The following TMEM164 variants were observed in gnomAD, a reference collection of about 807,000 sequenced individuals.
TMEM164 encodes the protein transmembrane protein 164.
Under a neutral mutation model 18.8 loss-of-function variants are expected in TMEM164, and 4 were observed. The ratio of observed to expected loss-of-function variants is 0.21; its 90% CI spans 0.10 to 0.49. TMEM164 has a LOEUF of 0.49. Ranked by LOEUF, TMEM164 falls within the 20% of genes least tolerant of loss-of-function variation. TMEM164 has a pLI of 0.98. For missense variants in TMEM164, 108 were observed against 239.9 expected (o/e 0.45, Z 3.63); for synonymous variants, 86 against 101.7 (o/e 0.85, Z 0.93).
At chrX:110,028,328 A>G (rs1273495394) in intron 2 of TMEM164, among the ~76,000 whole-genome samples, 2 of 112,188 alleles carry the variant, frequency 1.8e-5, no homozygotes, top group Non-Finnish European at 3.8e-5. Flanking sequence ...TGGAACTGTT[A>G]CATGTTTGTT....
intron 2 of TMEM164, among the ~76,000 whole-genome samples, chrX:110,047,104 G>T (rs1935346424): frequency 8.9e-6 from 1 of 111,881 alleles, no homozygotes; most frequent in African/African-American, 3.2e-5. Flanking sequence ...GGCCTGAGGG[G>T]ATTTGGAGGG....
intron 4 of TMEM164, among the ~76,000 whole-genome samples, chrX:110,126,935 C>G (rs2066541177): frequency 9.4e-6 from 1 of 106,201 alleles, no homozygotes; most frequent in Non-Finnish European, 1.9e-5. Flanking sequence ...AAGAGAAGGT[C>G]AATTTGTAGG....
chrX:110,053,431 T>G (rs746356026), intron 2 of TMEM164, among the ~76,000 whole-genome samples: 82 of 112,096 alleles, frequency 7.3e-4, no homozygotes, highest in Non-Finnish European at 1.1e-3. Context: ...ATTTTATGCC[T>G]TAGAAGCACT....
At chrX:110,055,005 A>G (rs1027780761) in intron 2 of TMEM164, among the ~76,000 whole-genome samples, 1 of 111,343 alleles carries the variant, frequency 9.0e-6, no homozygotes, top group Non-Finnish European at 1.9e-5. Context: ...CTCATGAGCG[A>G]GACCATATAG....
chrX:110,065,679 G>A (rs1458731445), intron 2 of TMEM164, among the ~76,000 whole-genome samples: 1 of 112,018 alleles, frequency 8.9e-6, no homozygotes, highest in Non-Finnish European at 1.9e-5. Flanking sequence ...ATTAAGATCA[G>A]ATATATTTCA....
intron 3 of TMEM164, among the ~76,000 whole-genome samples, chrX:110,078,362 A>G (rs2065702976): frequency 3.6e-5 from 4 of 111,226 alleles, no homozygotes; most frequent in African/African-American, 1.3e-4. Flanking sequence ...CTCTTGGATC[A>G]TTTTACTGGC....
At chrX:110,116,822 TTG>T (rs560695330) in intron 4 of TMEM164, among the ~76,000 whole-genome samples, 12,307 of 96,709 alleles carry the variant, frequency 0.13, 723 homozygotes, top group Middle Eastern at 0.15. Flanking sequence ...GGCCACTCCC[TTG>T]TGTGTGTGTG....
chrX:110,021,980 C>T (rs1469662219), intron 2 of TMEM164, among the ~76,000 whole-genome samples: 1 of 111,172 alleles, frequency 9.0e-6, no homozygotes, highest in Non-Finnish European at 1.9e-5. Context: ...AGTCCTCAAC[C>T]CTGGCTGCAT....
chrX:110,123,374 AGT>A (rs923484925), intron 4 of TMEM164, among the ~76,000 whole-genome samples: 7 of 110,580 alleles, frequency 6.3e-5, no homozygotes, highest in Non-Finnish European at 1.3e-4. Flanking sequence ...TCTGGGGATT[AGT>A]GTGTGTGTGT....
At chrX:110,148,844 C>G (rs2066899457) in intron 5 of TMEM164, among the ~76,000 whole-genome samples, 2 of 110,566 alleles carry the variant, frequency 1.8e-5, no homozygotes, top group South Asian at 7.8e-4. Flanking sequence ...AATTTTCAAC[C>G]CTCTCTTCAC....
At chrX:110,100,811 G>A (rs769118518) in intron 3 of TMEM164, among the ~76,000 whole-genome samples, 1 of 110,217 alleles carries the variant, frequency 9.1e-6, no homozygotes, top group Middle Eastern at 4.6e-3. Flanking sequence ...GGATGGTCTC[G>A]ATCTCCTGAC....
rs572972243 is a variant in TMEM164 at position 110,152,148 on chromosome X, C to T, written c.586+7272C>T. 3.7e-5 allele frequency among the ~76,000 whole-genome samples: 4 copies of T among 106,687 alleles called. No individual in the cohort carries two copies. The South Asian group carries it at 1.7e-3, about 46-fold the overall frequency. The allele number at this position is 106,687 out of a possible 115,157, so 92.6% of individuals were successfully genotyped here. A position where few individuals can be genotyped will look rare whatever the true frequency, so the allele number is the denominator to read the frequency against. ...TCAGCTCACTGCAGCCTCCGCCTCCCGGGTTCAAGCGATTCTCCTGCCTCA... is the reference window on the plus strand; with the variant it reads ...TCAGCTCACTGCAGCCTCCGCCTCCTGGGTTCAAGCGATTCTCCTGCCTCA... On this transcript the variant is annotated intron_variant, in intron 5 of 6. Transcript: ENST00000372068.
At chrX:110,097,487 C>T (rs1464946940) in intron 3 of TMEM164, among the ~76,000 whole-genome samples, 7 of 112,255 alleles carry the variant, frequency 6.2e-5, no homozygotes, top group African/African-American at 1.9e-4. Context: ...TGTAATTTGC[C>T]TAATAATCTT....
chrX:110,084,426 GTATAGTATATATA>G (rs1412111357), intron 3 of TMEM164, among the ~76,000 whole-genome samples: 1 of 85,929 alleles, frequency 1.2e-5, no homozygotes, highest in Non-Finnish European at 2.2e-5. Flanking sequence ...TATATATATA[GTATAGTATATATA>G]TATAGTATAT....
chrX:110,160,433 A>G (rs1187610609), intron 5 of TMEM164, among the ~76,000 whole-genome samples: 1 of 112,555 alleles, frequency 8.9e-6, no homozygotes, highest in Non-Finnish European at 1.9e-5. Flanking sequence ...CTGCTGCTAG[A>G]TCTTGTGATT....
intron 2 of TMEM164, among the ~76,000 whole-genome samples, chrX:110,061,763 CAAATCAAGGGAGATAATG>C (rs1439973368): frequency 9.0e-6 from 1 of 111,174 alleles, no homozygotes; most frequent in Non-Finnish European, 1.9e-5. Context: ...CAGAAATAGG[CAAATCAAGGGAGATAATG>C]AAATCACCAG....
At chrX:110,024,827 G>C (rs1475217307) in intron 2 of TMEM164, among the ~76,000 whole-genome samples, 1 of 112,153 alleles carries the variant, frequency 8.9e-6, no homozygotes, top group Non-Finnish European at 1.9e-5. Flanking sequence ...CAGGGTTTAA[G>C]AGCAGGCAGA....
intron 2 of TMEM164, among the ~76,000 whole-genome samples, chrX:110,036,894 C>A (rs1188299209): frequency 9.0e-6 from 1 of 111,245 alleles, no homozygotes; most frequent in Non-Finnish European, 1.9e-5. Flanking sequence ...AAATGAGGAA[C>A]TGATTTTTTT....
At chrX:110,019,743 C>T (rs1933696403) in intron 2 of TMEM164, among the ~76,000 whole-genome samples, 1 of 112,223 alleles carries the variant, frequency 8.9e-6, no homozygotes, top group Admixed American at 9.4e-5. Flanking sequence ...AGCCACTTAT[C>T]AATCAGTCAG....
Sources: gnomAD v4.1 joint callset for allele counts (sites outside exome capture counted in the v4.1 genomes callset) on GRCh38, gnomAD v4.1.1 for gene constraint, MANE v1.5 for transcripts, NCBI Gene and HGNC (gene_info 2026-07-23, HGNC 2026-07-21) for gene names.